Variants in SCN1A observed in about 807,000 individuals in gnomAD.
SCN1A encodes sodium voltage-gated channel alpha subunit 1.
Under a neutral mutation model 193.7 loss-of-function variants are expected in SCN1A, and 13 were observed. The observed-to-expected ratio is 0.07, with a 90% CI of 0.04 to 0.11. The LOEUF (loss-of-function observed/expected upper bound fraction) is 0.11. SCN1A is among the 10% of genes least tolerant of loss of function. The pLI, the probability that SCN1A is intolerant of heterozygous loss-of-function variation, is 1.00. For missense variants in SCN1A, 1,432 were observed against 2,451.1 expected, an observed-to-expected ratio of 0.58 and a Z score of 8.78; for synonymous variants, 781 against 843.6, an observed-to-expected ratio of 0.93 and a Z score of 1.29.
At chr2:166,112,333 C>T (rs761202087) in intron 2 of SCN1A, among the ~76,000 whole-genome samples, 4 of 152,194 alleles carry the variant, frequency 2.6e-5, no homozygotes, top group African/African-American at 4.8e-5. Flanking sequence ...TCACTGAAGG[C>T]TCAGATGACT....
At chr2:166,008,114 T>C (rs2105554254) in intron 23 of SCN1A, among the ~76,000 whole-genome samples, 1 of 151,382 alleles carries the variant, frequency 6.6e-6, no homozygotes, top group African/African-American at 2.4e-5. Flanking sequence ...GGATTTTATG[T>C]CTAAAACTCC....
At position 165,987,411 on chromosome 2, in the gene SCN1A, A is replaced by G. The variant is rs1688678395; in HGVS notation, c.*3834T>C. 6.6e-6 allele frequency: 1 copy of G among 152,128 alleles called. No homozygotes were observed. The highest frequency in any genetic ancestry group is 6.6e-5 in the Admixed American group (1 of 15,248). The allele number at this position is 152,128 out of a possible 1,614,324, so 9.4% of individuals were successfully genotyped here. A position where few individuals can be genotyped will look rare whatever the true frequency, so the allele number is the denominator to read the frequency against. Reference sequence around the variant, plus strand: ...ATACCCTATTCCTCATCAAACTTTCACCCATGAGTTTTAATACTCATTGAT... The same window carrying G: ...ATACCCTATTCCTCATCAAACTTTCGCCCATGAGTTTTAATACTCATTGAT... On this transcript the variant is annotated 3_prime_UTR_variant, in exon 29 of 29. Coordinates refer to ENST00000674923, the MANE Select transcript of SCN1A (RefSeq NM_001165963.4).
chr2:166,125,644 G>C (rs1259625338), intron 2 of SCN1A, among the ~76,000 whole-genome samples: 1 of 152,108 alleles, frequency 6.6e-6, no homozygotes, highest in Non-Finnish European at 1.5e-5. Context: ...TTCCTCTGTT[G>C]GTGGTGATAG....
At position 166,054,741 on chromosome 2, in the gene SCN1A, A is replaced by C. The variant is rs776927718; in HGVS notation, c.499T>G (p.Phe167Val). The C allele has an allele frequency of 6.2e-7, 1 of 1,611,542 alleles. No individual in the cohort carries two copies. The highest frequency in any genetic ancestry group is 2.2e-5 in the East Asian group (1 of 44,778). Residue 167 changes from phenylalanine to valine, a missense_variant, in exon 7 of 29, where the codon TTT becomes GTT. Physicochemically the swap from Phe to Val is conservative, Grantham distance 50. This residue lies in a region of SCN1A where 123 missense variants were observed against 282.8 expected (regional missense o/e 0.43). Transcript: ENST00000674923. ...VEYTFTGIYT[F>V]ESLIKIIARG... Reference sequence around the variant, plus strand: ...GCAATAATTTTTATAAGTGATTCAAAAGTATATATTCCTGTGAAGGTGTAT... The same window carrying C: ...GCAATAATTTTTATAAGTGATTCAACAGTATATATTCCTGTGAAGGTGTAT...
chr2:166,049,971 T>A (rs570045731), intron 9 of SCN1A, among the ~76,000 whole-genome samples: 2 of 152,110 alleles, frequency 1.3e-5, no homozygotes, highest in East Asian at 3.9e-4. Context: ...ATTTTCTAGA[T>A]GCTAAGTTTT....
chr2:166,018,010 T>C (rs1693534776), intron 19 of SCN1A, among the ~76,000 whole-genome samples: 1 of 152,152 alleles, frequency 6.6e-6, no homozygotes, highest in Middle Eastern at 3.4e-3. Context: ...AGATAAATGA[T>C]TGATTCTTTG....
At chr2:166,006,960 T>A (rs1287025685) in intron 23 of SCN1A, among the ~76,000 whole-genome samples, 1 of 151,124 alleles carries the variant, frequency 6.6e-6, no homozygotes, top group Non-Finnish European at 1.5e-5. Context: ...CAAAGATGGA[T>A]AACTCCATAT....
chr2:166,120,597 T>TC (rs1690454370), intron 2 of SCN1A, among the ~76,000 whole-genome samples: 3 of 4,460 alleles, frequency 6.7e-4, no homozygotes, highest in Admixed American at 2.6e-3. Context: ...TTCTTTTCTC[T>TC]TTTTTTTTTT....
chr2:166,140,863 A>C (rs1005918060), intron 1 of SCN1A, among the ~76,000 whole-genome samples: 1 of 152,150 alleles, frequency 6.6e-6, no homozygotes, highest in Non-Finnish European at 1.5e-5. Flanking sequence ...TCAGAATTTT[A>C]AAACCTTGCT....
intron 6 of SCN1A, among the ~76,000 whole-genome samples, chr2:166,055,189 C>T (rs1236317697): frequency 3.3e-5 from 3 of 91,778 alleles, no homozygotes; most frequent in South Asian, 4.2e-4. Flanking sequence ...CAAATTAGCA[C>T]GTGTTTTTTT....
chr2:166,148,510 C>A (rs1299403306), intron 1 of SCN1A, among the ~76,000 whole-genome samples: 1 of 152,194 alleles, frequency 6.6e-6, no homozygotes, highest in Admixed American at 6.5e-5. Flanking sequence ...TCCTTCAGTG[C>A]TAGTGTCGAA....
intron 1 of SCN1A, among the ~76,000 whole-genome samples, chr2:166,141,317 T>TAA (rs1692071820): frequency 6.6e-6 from 1 of 152,074 alleles, no homozygotes; most frequent in Non-Finnish European, 1.5e-5. Flanking sequence ...ATTTTTTTTT[T>TAA]TTTATCTTCT....
At chr2:166,037,627 G>T in intron 18 of SCN1A, 149 bp downstream of exon 18, 2 of 750,270 alleles carry the variant, frequency 2.7e-6, no homozygotes, top group Non-Finnish European at 4.4e-6. Flanking sequence ...TTTTCTTTTT[G>T]ACAAAACAGT....
rs1045691628 is a variant in SCN1A at position 166,095,552 on chromosome 2, C to A, written c.-141-17751G>T. ...CCCATGATCCCATGATTCTCCTGTT[C>A]TTCCTGCTATCAATCAGAAACAACG... On this transcript the variant is annotated intron_variant, in intron 2 of 28. Coordinates refer to ENST00000674923, the MANE Select transcript of SCN1A (RefSeq NM_001165963.4). 4.6e-5 allele frequency among the ~76,000 whole-genome samples: 7 copies of A among 152,274 alleles called. No homozygotes were observed. The East Asian group carries it at 1.2e-3, about 25-fold the overall frequency.
intron 2 of SCN1A, among the ~76,000 whole-genome samples, chr2:166,084,220 T>C (rs1386804092): frequency 2.8e-5 from 2 of 71,478 alleles, no homozygotes; most frequent in African/African-American, 1.5e-4. Flanking sequence ...TCAATTTTCT[T>C]TTTTTTTTTT....
At chr2:166,107,709 A>G (rs1688846577) in intron 2 of SCN1A, among the ~76,000 whole-genome samples, 1 of 152,138 alleles carries the variant, frequency 6.6e-6, no homozygotes. Flanking sequence ...TTTAATTGGG[A>G]AAGAATAATC....
At chr2:166,096,101 T>C (rs1329396254) in intron 2 of SCN1A, among the ~76,000 whole-genome samples, 4 of 152,218 alleles carry the variant, frequency 2.6e-5, no homozygotes, top group African/African-American at 9.6e-5. Context: ...TCTTTTTAAA[T>C]TATACAAATG....
intron 4 of SCN1A, among the ~76,000 whole-genome samples, chr2:166,061,218 T>C (rs1379353017): frequency 6.6e-6 from 1 of 151,878 alleles, no homozygotes; most frequent in East Asian, 1.9e-4. Flanking sequence ...CCAGAGGTAA[T>C]AAATGACCAA....
chr2:166,143,035 T>C (rs1273246310), intron 1 of SCN1A, among the ~76,000 whole-genome samples: 1 of 151,510 alleles, frequency 6.6e-6, no homozygotes, highest in Admixed American at 6.6e-5. Context: ...CTTGGGTATG[T>C]CTTTATTACC....
Sources: gnomAD v4.1 joint callset for allele counts (sites outside exome capture counted in the v4.1 genomes callset) on GRCh38, gnomAD v4.1.1 for gene constraint, gnomAD v4.1.1 regional missense constraint, MANE v1.5 for transcripts, NCBI Gene and HGNC (gene_info 2026-07-23, HGNC 2026-07-21) for gene names.